GPR19: variants seen among roughly 807,000 people sequenced by gnomAD.
The protein encoded by GPR19 is G protein-coupled receptor 19.
GPR19 carries 14 observed loss-of-function variants against 28.5 expected under a neutral mutation model. That is an observed-to-expected ratio of 0.49 (90% CI 0.32 to 0.77). GPR19 has a LOEUF of 0.77. GPR19 is among the 30% of genes least tolerant of loss of function. The pLI is 0.03. For missense variants in GPR19, 409 were observed against 504.1 expected, an observed-to-expected ratio of 0.81 and a Z score of 1.81; for synonymous variants, 173 against 184.1, an observed-to-expected ratio of 0.94 and a Z score of 0.49.
chr12:12,716,934 C>T, the GPR19 span: 1 of 985,098 alleles, frequency 1.0e-6, no homozygotes, highest in Non-Finnish European at 1.2e-6. Flanking sequence ...GGGCAGCTCG[C>T]CACCCCGGCT....
At chr12:12,685,580 A>T (rs1244142633) in intron 2 of GPR19, among the ~76,000 whole-genome samples, 1 of 152,214 alleles carries the variant, frequency 6.6e-6, no homozygotes, top group African/African-American at 2.4e-5. Flanking sequence ...GACTAAAGAA[A>T]GGAAGAGGGA....
chr12:12,691,289 C>T (rs768074810), intron 2 of GPR19, among the ~76,000 whole-genome samples: 2 of 152,118 alleles, frequency 1.3e-5, no homozygotes, highest in African/African-American at 4.8e-5. Flanking sequence ...GCATCTGTTT[C>T]TAAAATTCCG....
Position 12,661,936 on chromosome 12 carries a change from C to T in GPR19, c.513G>A (p.Leu171=). The T allele has an allele frequency of 1.2e-6, 2 of 1,614,230 alleles. No homozygotes were observed. The highest frequency in any genetic ancestry group is 1.7e-6 in the Non-Finnish European group (2 of 1,180,050). The change falls in exon 4 of 4, where the codon CTG becomes CTA. Residue 171 remains leucine, a synonymous_variant. Coordinates refer to ENST00000651487, the MANE Select transcript of GPR19 (RefSeq NM_006143.3). The surrounding 1 kb of genome is among the most constrained non-coding windows in gnomAD (Gnocchi z 4.2). ...CTTTTTCTCTGGACACCTTGAAGCT[C>T]AGAGGATAGACGATGGTGTAGAACC... ...IDRFYTIVYP[L]SFKVSREKAK...
chr12:12,714,089 G>A, the GPR19 span, among the ~76,000 whole-genome samples: 2 of 152,102 alleles, frequency 1.3e-5, no homozygotes, highest in African/African-American at 2.4e-5. Context: ...GCATAGAGGA[G>A]GCACTCAATA....
the GPR19 span, chr12:12,703,304 T>A: frequency 1.1e-5 from 9 of 816,732 alleles, no homozygotes; most frequent in Non-Finnish European, 1.2e-5. Context: ...CATTGGTGGT[T>A]GGGTAAGGTC....
intron 2 of GPR19, 50 bp downstream of exon 2, chr12:12,695,409 C>A: frequency 6.6e-6 from 1 of 152,268 alleles, no homozygotes; most frequent in Non-Finnish European, 1.5e-5. Context: ...GTGGGAGGGG[C>A]CAGGAGGCTC....
At chr12:12,682,870 TCTC>T (rs1043870123) in intron 3 of GPR19, among the ~76,000 whole-genome samples, 2 of 152,142 alleles carry the variant, frequency 1.3e-5, no homozygotes, top group African/African-American at 4.8e-5. Flanking sequence ...TATTAGCAAA[TCTC>T]CTCTTTTACC....
chr12:12,667,477 G>A (rs572728296), intron 3 of GPR19, among the ~76,000 whole-genome samples: 1 of 152,082 alleles, frequency 6.6e-6, no homozygotes, highest in African/African-American at 2.4e-5. Context: ...GATCACCTGA[G>A]GTCAGGAGTT....
chr12:12,709,137 AG>A, the GPR19 span, among the ~76,000 whole-genome samples: 24 of 152,194 alleles, frequency 1.6e-4, no homozygotes, highest in Non-Finnish European at 3.2e-4. Context: ...CTTGGAGCAA[AG>A]GGGGGGAAAT....
chr12:12,677,679 TG>T (rs1945952459), intron 3 of GPR19, among the ~76,000 whole-genome samples: 1 of 152,230 alleles, frequency 6.6e-6, no homozygotes, highest in Non-Finnish European at 1.5e-5. Flanking sequence ...ATATTTCACA[TG>T]GATAATATAT....
chr12:12,693,534 C>A (rs1946215596), intron 2 of GPR19, among the ~76,000 whole-genome samples: 2 of 152,238 alleles, frequency 1.3e-5, no homozygotes, highest in South Asian at 2.1e-4. Context: ...GACTGACACT[C>A]TTCTATCTCT....
the GPR19 span, among the ~76,000 whole-genome samples, chr12:12,704,112 C>T: frequency 4.6e-5 from 7 of 152,182 alleles, no homozygotes; most frequent in South Asian, 4.1e-4. Context: ...TGCAACCAAT[C>T]GTGTGTGACT....
At position 12,661,241 on chromosome 12, in the gene GPR19, G is replaced by A. The variant is rs1265211583; in HGVS notation, c.1208C>T (p.Ala403Val). Residue 403 changes from alanine (A) to valine (V), a missense_variant, in exon 4 of 4, where the codon GCT (alanine) becomes GTT (valine). Coordinates refer to ENST00000651487, the MANE Select transcript of GPR19 (RefSeq NM_006143.3). This position sits in a 1 kb window ranked among gnomAD's most constrained non-coding sequence, Gnocchi z 4.2. ...TGGTGGATTTGAGTTAATGGGCCAA[G>A]CAAGCTTTTTTTCCTTGGCTTCTCT... is the stretch of plus-strand genomic sequence containing the variant. ...FDREAKEKKL[A>V]WPINSNPPNT... The A allele has an allele frequency of 4.3e-6, 7 of 1,612,384 alleles. No individual in the cohort carries two copies. Among genetic ancestry groups the A allele is most frequent in the Non-Finnish European group, 5.9e-6 (7 of 1,179,302 alleles).
At chr12:12,716,739 A>G in the GPR19 span, 1 of 985,026 alleles carries the variant, frequency 1.0e-6, no homozygotes, top group Non-Finnish European at 1.2e-6. Flanking sequence ...CTTCTTCCCT[A>G]GGCCCCCAGC....
chr12:12,676,123 A>G (rs938948699), intron 3 of GPR19, among the ~76,000 whole-genome samples: 5 of 152,222 alleles, frequency 3.3e-5, no homozygotes, highest in African/African-American at 1.2e-4. Flanking sequence ...AAAATCTTAA[A>G]GAGTATAGTG....
intron 3 of GPR19, chr12:12,668,841 G>C (rs1945818156): frequency 6.6e-6 from 1 of 151,976 alleles, no homozygotes; most frequent in South Asian, 2.1e-4. Flanking sequence ...CTTACTATGT[G>C]CCAGGCACTT....
chr12:12,670,243 C>A (rs1314022240), intron 3 of GPR19, among the ~76,000 whole-genome samples: 4 of 152,136 alleles, frequency 2.6e-5, no homozygotes, highest in Admixed American at 2.6e-4. Flanking sequence ...AAAAGTATGT[C>A]CCATGCAATA....
At chr12:12,688,167 AAG>A (rs915244368) in intron 2 of GPR19, among the ~76,000 whole-genome samples, 3 of 152,168 alleles carry the variant, frequency 2.0e-5, no homozygotes, top group Admixed American at 6.6e-5. Context: ...TTTTTCAGTG[AAG>A]AGAGTGGGAG....
At chr12:12,687,852 G>A (rs1946117720) in intron 2 of GPR19, among the ~76,000 whole-genome samples, 1 of 152,230 alleles carries the variant, frequency 6.6e-6, no homozygotes, top group African/African-American at 2.4e-5. Context: ...CAGCAACACA[G>A]AAGGCTGAGG....
Sources: allele counts gnomAD v4.1 joint callset (sites outside exome capture counted in the v4.1 genomes callset), GRCh38; gene constraint gnomAD v4.1.1; non-coding constraint Gnocchi (gnomAD v3.1); transcripts MANE v1.5; gene names NCBI Gene and HGNC (gene_info 2026-07-23, HGNC 2026-07-21).